CDH19: variants seen among roughly 807,000 people sequenced by gnomAD.
CDH19 encodes the protein cadherin 19.
A neutral mutation model predicts 64.2 loss-of-function variants in CDH19; 67 were observed. The observed-to-expected ratio is 1.04, with a 90% CI of 0.86 to 1.28. The LOEUF (loss-of-function observed/expected upper bound fraction) is 1.28. CDH19 is among the 50% of genes most tolerant of loss of function. The pLI is 0.00. For synonymous variants in CDH19, 346 were observed against 319.3 expected (o/e 1.08, Z -0.89); for missense variants, 1,030 against 929.0 (o/e 1.11, Z -1.41).
chr18:66,531,165 T>C (rs1041911244), intron 8 of CDH19, among the ~76,000 whole-genome samples: 5 of 152,150 alleles, frequency 3.3e-5, no homozygotes, highest in East Asian at 1.9e-4. Context: ...TAAGCTACAG[T>C]CTAAGGTATC....
At chr18:66,507,127 T>C (rs1473589389) in intron 11 of CDH19, among the ~76,000 whole-genome samples, 5 of 152,002 alleles carry the variant, frequency 3.3e-5, no homozygotes, top group Non-Finnish European at 7.4e-5. Flanking sequence ...TCTGTATCTA[T>C]AGGTAGCTCA....
rs1463578685 is a variant in CDH19, at chr18:66,503,134, C to T, written c.*1678G>A. On this transcript the variant is annotated 3_prime_UTR_variant, in exon 12 of 12. Coordinates refer to ENST00000262150, the MANE Select transcript of CDH19 (RefSeq NM_021153.4). ...ACCAATTTTAAGAATTTTGTATTCACTACTTTCTTCCTGTTCAAACCATAA... is the reference window on the plus strand; with the variant it reads ...ACCAATTTTAAGAATTTTGTATTCATTACTTTCTTCCTGTTCAAACCATAA... 1 of 151,714 alleles carries T rather than the reference C, an allele frequency of 6.6e-6. No homozygotes were observed. The highest frequency in any genetic ancestry group is 6.6e-5 in the Admixed American group (1 of 15,200). 9.4% of individuals were successfully genotyped at this position (151,714 alleles called of 1,614,324 possible).
At chr18:66,564,849 A>G (rs565200767) in intron 3 of CDH19, among the ~76,000 whole-genome samples, 1 of 133,964 alleles carries the variant, frequency 7.5e-6, no homozygotes, top group South Asian at 2.6e-4. Flanking sequence ...TACTACACGT[A>G]TTTTAAATGC....
At chr18:66,535,188 A>AGTATTCTTTATT (rs1254621386) in intron 7 of CDH19, 81 bp from the exon 8 acceptor site, 1 of 836,184 alleles carries the variant, frequency 1.2e-6, no homozygotes, top group Non-Finnish European at 1.7e-6. Flanking sequence ...AAGCAATAAG[A>AGTATTCTTTATT]CATCTTATTC....
In CDH19 at chr18:66,554,480, A is replaced by C; in HGVS notation, c.535T>G (p.Ser179Ala). Reference protein sequence around the residue: ...QVTASDADDPSSGNNARLLYS... With the variant: ...QVTASDADDPASGNNARLLYS... Reference sequence around the variant, plus strand: ...AGGAGACGAGCATTATTACCACTTGAGGGATCGTCAGCATCACTTGCTGTC... The same window carrying C: ...AGGAGACGAGCATTATTACCACTTGCGGGATCGTCAGCATCACTTGCTGTC... Residue 179 changes from serine to alanine, a missense_variant, in exon 4 of 12, where the codon TCA becomes GCA. Physicochemically the swap from Ser to Ala is moderately conservative, Grantham distance 99 (BLOSUM62 1). Coordinates refer to ENST00000262150, the MANE Select transcript of CDH19 (RefSeq NM_021153.4). 1 of 1,610,968 alleles carries C rather than the reference A, an allele frequency of 6.2e-7. No homozygotes were observed. The highest frequency in any genetic ancestry group is 8.5e-7 in the Non-Finnish European group (1 of 1,177,692).
intron 1 of CDH19, among the ~76,000 whole-genome samples, chr18:66,596,976 G>A (rs1423573635): frequency 6.8e-6 from 1 of 146,346 alleles, no homozygotes; most frequent in Non-Finnish European, 1.5e-5. Flanking sequence ...CAGCTACTTG[G>A]GAGGCTGAGG....
Position 66,504,004 on chromosome 18 carries a change from G to A in CDH19, c.*808C>T, listed in dbSNP as rs1985058028. 6.6e-6 allele frequency: 1 copy of A among 151,906 alleles called. No homozygotes were observed. The highest frequency in any genetic ancestry group is 1.5e-5 in the Non-Finnish European group (1 of 67,908). The allele number at this position is 151,906 out of a possible 1,614,324, so 9.4% of individuals were successfully genotyped here. On this transcript the variant is annotated 3_prime_UTR_variant, in exon 12 of 12. Transcript: ENST00000262150. ...CACAAAAACATTTTATTCTTACAGT[G>A]TGAAAGATGAAAATTGAGTAAATAA...
At chr18:66,543,946 T>C (rs1028685315) in intron 7 of CDH19, 25 bp downstream of exon 7, 1 of 1,538,694 alleles carries the variant, frequency 6.5e-7, no homozygotes, top group Non-Finnish European at 8.8e-7. Flanking sequence ...TATTTATTAA[T>C]GCAAAACTGA....
intron 1 of CDH19, among the ~76,000 whole-genome samples, chr18:66,593,451 A>T (rs1359201546): frequency 1.3e-5 from 2 of 152,008 alleles, no homozygotes; most frequent in African/African-American, 2.4e-5. Flanking sequence ...TTGACATATA[A>T]GTTCTCTTAA....
At chr18:66,573,315 C>T (rs1443858024) in intron 1 of CDH19, among the ~76,000 whole-genome samples, 2 of 151,534 alleles carry the variant, frequency 1.3e-5, no homozygotes, top group South Asian at 2.1e-4. Context: ...GAATCTTCTG[C>T]ATGTATTTTT....
intron 7 of CDH19, among the ~76,000 whole-genome samples, chr18:66,536,533 A>G (rs1173097213): frequency 6.6e-6 from 1 of 151,826 alleles, no homozygotes; most frequent in Non-Finnish European, 1.5e-5. Flanking sequence ...AAGCCCATTT[A>G]AAGTTTGACA....
At chr18:66,560,909 T>A (rs1369235017) in intron 3 of CDH19, among the ~76,000 whole-genome samples, 1 of 152,112 alleles carries the variant, frequency 6.6e-6, no homozygotes, top group Non-Finnish European at 1.5e-5. Context: ...CATTTTATAC[T>A]GGAAATAGGT....
In CDH19 at chr18:66,584,034, G is replaced by A. The variant is rs1399962176; in HGVS notation, c.-112-11718C>T. ...AACTGCTCTTAAGAATCCCTGCACA[G>A]CAAAATAAACTATTAACAGACTAAA... On this transcript the variant is annotated intron_variant, in intron 1 of 11. Transcript: ENST00000262150. 3.9e-5 allele frequency among the ~76,000 whole-genome samples: 6 copies of A among 152,140 alleles called. No individual in the cohort carries two copies. In the East Asian group the frequency reaches 1.2e-3, roughly 29 times the overall value.
At chr18:66,535,992 G>A (rs1986654301) in intron 7 of CDH19, among the ~76,000 whole-genome samples, 1 of 147,968 alleles carries the variant, frequency 6.8e-6, no homozygotes, top group South Asian at 2.1e-4. Context: ...CTTTTAGATT[G>A]TGCATGGAAG....
intron 11 of CDH19, among the ~76,000 whole-genome samples, chr18:66,508,507 C>T (rs1202179616): frequency 2.0e-5 from 3 of 151,388 alleles, no homozygotes; most frequent in Admixed American, 2.0e-4. Flanking sequence ...GCTGTGTGAC[C>T]CTTCATAAAG....
At chr18:66,596,130 C>T (rs1417052221) in intron 1 of CDH19, 2 of 151,696 alleles carry the variant, frequency 1.3e-5, no homozygotes, top group African/African-American at 2.4e-5. Context: ...TATTAAAAAC[C>T]CTGAAAAAAA....
intron 9 of CDH19, among the ~76,000 whole-genome samples, chr18:66,521,329 C>T (rs1985972505): frequency 6.6e-6 from 1 of 152,018 alleles, no homozygotes; most frequent in East Asian, 1.9e-4. Flanking sequence ...TTGGAAATTT[C>T]TTCATTGGCA....
chr18:66,591,766 G>C (rs997998588), intron 1 of CDH19, among the ~76,000 whole-genome samples: 2 of 151,816 alleles, frequency 1.3e-5, no homozygotes, highest in South Asian at 2.1e-4. Context: ...AGTCATATTG[G>C]TATTTGAGGA....
intron 11 of CDH19, among the ~76,000 whole-genome samples, chr18:66,507,919 G>A (rs764701886): frequency 5.9e-5 from 9 of 151,852 alleles, no homozygotes; most frequent in African/African-American, 2.2e-4. Flanking sequence ...AAAGTGGTAT[G>A]TTGAAGAGAT....
Sources: allele counts gnomAD v4.1 joint callset (sites outside exome capture counted in the v4.1 genomes callset), GRCh38; gene constraint gnomAD v4.1.1; transcripts MANE v1.5; gene names NCBI Gene and HGNC (gene_info 2026-07-23, HGNC 2026-07-21).